PRR5: variants seen among roughly 807,000 people sequenced by gnomAD.
PRR5 encodes the protein proline rich 5.
Under a neutral mutation model 30.6 loss-of-function variants are expected in PRR5, and 25 were observed. The observed-to-expected ratio is 0.82, with a 90% CI of 0.60 to 1.14. The LOEUF (loss-of-function observed/expected upper bound fraction) is 1.14. Ranked by LOEUF, PRR5 falls within the 50% of genes most tolerant of loss-of-function variation. The probability of loss-of-function intolerance (pLI) is 0.00; values close to 1 mark genes in which losing one functional copy is unlikely to be tolerated. For synonymous variants in PRR5, 286 were observed against 247.1 expected (o/e 1.16, Z -1.48); for missense variants, 600 against 547.1 (o/e 1.10, Z -0.96).
intron 1 of PRR5, among the ~76,000 whole-genome samples, chr22:44,694,984 G>GACAC (rs1203012549): frequency 6.6e-6 from 1 of 151,980 alleles, no homozygotes; most frequent in East Asian, 1.9e-4. Context: ...CAGCCTGGCC[G>GACAC]ACACGATGAA....
At position 44,688,891 on chromosome 22, in the gene PRR5, A is replaced by G. The variant is rs562174710; in HGVS notation, c.-11+11651A>G. Among the ~76,000 whole-genome samples, 500 of 152,192 alleles carry G rather than the reference A, an allele frequency of 3.3e-3. 1 individual carries two copies. The highest frequency in any genetic ancestry group is 0.02 in the Middle Eastern group (6 of 294). On this transcript the variant is annotated intron_variant, in intron 1 of 8. Coordinates refer to the PRR5 transcript ENST00000006251. Reference sequence around the variant, plus strand: ...TGATCCCAGCTACTCGGGAGGCTGAAGCAGGAGACTGGCTTGAATTCGGGA... The same window carrying G: ...TGATCCCAGCTACTCGGGAGGCTGAGGCAGGAGACTGGCTTGAATTCGGGA...
chr22:44,716,350 C>A (rs532023449), intron 2 of PRR5, among the ~76,000 whole-genome samples: 1 of 152,318 alleles, frequency 6.6e-6, no homozygotes, highest in South Asian at 2.1e-4. Context: ...TTTACTGAAG[C>A]CTTGCTCTGT....
rs138334266 is a variant in PRR5 at position 44,722,073 on chromosome 22, C to T, written c.216-3171C>T. 8.3e-3 allele frequency among the ~76,000 whole-genome samples: 1,265 copies of T among 152,122 alleles called. 14 individuals carry two copies. The highest frequency in any genetic ancestry group is 0.014 in the Non-Finnish European group (979 of 67,968). On this transcript the variant is annotated intron_variant, in intron 2 of 7. Coordinates refer to ENST00000336985, the MANE Select transcript of PRR5 (RefSeq NM_181333.4). ...GAGAAGGTTGGGGGGACTGCTGGGGCGGGGGCTGCCTCGGGGCACCATTGT... is the reference window on the plus strand; with the variant it reads ...GAGAAGGTTGGGGGGACTGCTGGGGTGGGGGCTGCCTCGGGGCACCATTGT...
At chr22:44,730,496 G>C in intron 4 of PRR5, 1 of 988,982 alleles carries the variant, frequency 1.0e-6, no homozygotes, top group South Asian at 4.6e-5. Flanking sequence ...AGCTTGGGCA[G>C]CTGTCCCCGT....
In PRR5 at chr22:44,691,391, C is replaced by T. The variant is rs889933634; in HGVS notation, c.-10-11101C>T. 7.2e-5 allele frequency among the ~76,000 whole-genome samples: 11 copies of T among 152,080 alleles called. No homozygotes were observed. Among genetic ancestry groups the T allele is most frequent in the African/African-American group, 2.2e-4 (9 of 41,402 alleles). On this transcript the variant is annotated intron_variant, in intron 1 of 8. Transcript: ENST00000006251. This position sits in a 1 kb window ranked among gnomAD's most constrained non-coding sequence, Gnocchi z 4.4. ...GTTGTGGTGGGGAGGCCGTGGCCCGCGCTGGGCACAGCATGTACTCAGCGG... is the reference window on the plus strand; with the variant it reads ...GTTGTGGTGGGGAGGCCGTGGCCCGTGCTGGGCACAGCATGTACTCAGCGG...
upstream of PRR5, among the ~76,000 whole-genome samples, chr22:44,675,952 G>A (rs1296167649): frequency 6.6e-6 from 1 of 151,738 alleles, no homozygotes. Flanking sequence ...CTCTGTGTGG[G>A]CGAGGTGCTG....
intron 4 of PRR5, among the ~76,000 whole-genome samples, chr22:44,728,029 T>C (rs957830122): frequency 3.3e-5 from 5 of 152,192 alleles, no homozygotes; most frequent in African/African-American, 7.2e-5. Context: ...TCCCACCAGA[T>C]CTGGCCTAGG....
chr22:44,727,274 C>T (rs908204275), intron 4 of PRR5, among the ~76,000 whole-genome samples: 31 of 152,028 alleles, frequency 2.0e-4, no homozygotes, highest in African/African-American at 7.2e-4. Context: ...TTCCCGTGGC[C>T]GAGAGCCTCG....
At chr22:44,732,770 T>A (rs1922295879) in intron 6 of PRR5, among the ~76,000 whole-genome samples, 1 of 142,902 alleles carries the variant, frequency 7.0e-6, no homozygotes, top group African/African-American at 2.9e-5. Flanking sequence ...GCTACACACA[T>A]GCCTGTGTGC....
chr22:44,704,762 C>G (rs1309666445), intron 1 of PRR5, among the ~76,000 whole-genome samples: 1 of 152,038 alleles, frequency 6.6e-6, no homozygotes, highest in Non-Finnish European at 1.5e-5. Context: ...ACCCAGGAGA[C>G]ATGCCCAGCT....
chr22:44,681,107 T>G (rs1243848093), intron 1 of PRR5, among the ~76,000 whole-genome samples: 1 of 152,144 alleles, frequency 6.6e-6, no homozygotes, highest in African/African-American at 2.4e-5. Flanking sequence ...TCTGCAGAGC[T>G]GAGGTGCTGA....
chr22:44,716,268 A>G (rs28678405), intron 2 of PRR5, among the ~76,000 whole-genome samples: 4,044 of 152,298 alleles, frequency 0.027, 196 homozygotes, highest in African/African-American at 0.093. Context: ...CAGTTAGGTT[A>G]TTTGGGGCAA....
At chr22:44,684,768 T>G (rs1405562555) in intron 1 of PRR5, among the ~76,000 whole-genome samples, 2 of 152,236 alleles carry the variant, frequency 1.3e-5, no homozygotes, top group African/African-American at 2.4e-5. Flanking sequence ...GCGTCCACAG[T>G]AGGGGAGCAG....
intron 4 of PRR5, chr22:44,729,447 C>T (rs1921506247): frequency 2.0e-6 from 2 of 985,450 alleles, no homozygotes; most frequent in South Asian, 4.7e-5. Context: ...TGCATCAGCC[C>T]CTGCTACTGC....
At chr22:44,734,417 T>C (rs920699532) in intron 6 of PRR5, 1 of 152,618 alleles carries the variant, frequency 6.6e-6, no homozygotes, top group African/African-American at 2.4e-5. Flanking sequence ...TGCTGGGTGC[T>C]GAGGTCCCAG....
At chr22:44,721,925 C>T (rs1030726871) in intron 2 of PRR5, among the ~76,000 whole-genome samples, 1 of 152,228 alleles carries the variant, frequency 6.6e-6, no homozygotes, top group African/African-American at 2.4e-5. Context: ...CTGAAAGTGG[C>T]CCTGCAAGTA....
At position 44,735,892 on chromosome 22, in the gene PRR5, C is replaced by A. The variant is rs567284854; in HGVS notation, c.691+730C>A. On this transcript the variant is annotated intron_variant, in intron 7 of 7. Transcript: ENST00000336985. ...GGTGTGTCTCAGCTCAGGCAGTGCC[C>A]TGGCTGCTGGAGAACTTTGAGCCAC... Among the ~76,000 whole-genome samples, 16 of 152,302 alleles carry A rather than the reference C, an allele frequency of 1.1e-4. No individual in the cohort carries two copies. In the South Asian group the frequency reaches 2.3e-3, roughly 22 times the overall value.
At chr22:44,732,209 A>G (rs1459240529) in intron 5 of PRR5, 42 bp from the exon 6 acceptor site, 4 of 1,604,166 alleles carry the variant, frequency 2.5e-6, no homozygotes, top group African/African-American at 1.3e-5. Context: ...ATGAGGACGC[A>G]TGTGACCACA....
At chr22:44,714,734 C>T (rs1415922797) in intron 2 of PRR5, 63 bp downstream of exon 2, 5 of 1,591,988 alleles carry the variant, frequency 3.1e-6, no homozygotes, top group African/African-American at 2.7e-5. Context: ...GGCCCAGAGT[C>T]GAAGGCCCCA....
Sources: gnomAD v4.1 joint callset for allele counts (sites outside exome capture counted in the v4.1 genomes callset) on GRCh38, gnomAD v4.1.1 for gene constraint, Gnocchi (gnomAD v3.1) non-coding constraint, MANE v1.5 for transcripts, NCBI Gene and HGNC (gene_info 2026-07-23, HGNC 2026-07-21) for gene names.